The following C1QTNF1 variants were observed in gnomAD, a reference collection of about 807,000 sequenced individuals.
The protein encoded by C1QTNF1 is C1q and TNF related 1.
Under a neutral mutation model 27.8 loss-of-function variants are expected in C1QTNF1, and 22 were observed. The ratio of observed to expected loss-of-function variants is 0.79; its 90% CI spans 0.56 to 1.13. The LOEUF is 1.13. C1QTNF1 is among the 50% of genes most tolerant of loss of function. C1QTNF1 has a pLI of 0.00. For synonymous variants in C1QTNF1, 166 were observed against 154.3 expected (o/e 1.08, Z -0.56); for missense variants, 373 against 380.2 (o/e 0.98, Z 0.16).
intron 1 of C1QTNF1, among the ~76,000 whole-genome samples, chr17:79,036,971 C>T (rs1364902528): frequency 3.9e-5 from 6 of 152,156 alleles, no homozygotes; most frequent in Non-Finnish European, 7.4e-5. Flanking sequence ...TCAAAAGGCC[C>T]TGCGCTGGGT....
In C1QTNF1 at chr17:79,030,319, T is replaced by TTGTGTGTGTG. The variant is rs142110810; in HGVS notation, c.-15+5843_-15+5852dup. Reference sequence around the variant, plus strand: ...GGGTGGCCTTTGGGTCTTTGTGGTTTTGTGTGTGTGTGTGTGTGTGTGTGT... The same window carrying TTGTGTGTGTG: ...GGGTGGCCTTTGGGTCTTTGTGGTTTTGTGTGTGTGTGTGTGTGTGTGTGTGTGTGTGTGT... On this transcript the variant is annotated intron_variant, in intron 1 of 3. Coordinates refer to ENST00000579760, the MANE Select transcript of C1QTNF1 (RefSeq NM_030968.5). Among the ~76,000 whole-genome samples the TTGTGTGTGTG allele has an allele frequency of 2.8e-3, 414 of 147,918 alleles. 1 individual carries two copies. Among genetic ancestry groups the TTGTGTGTGTG allele is most frequent in the Middle Eastern group, 0.017 (5 of 288 alleles).
intron 1 of C1QTNF1, among the ~76,000 whole-genome samples, chr17:79,038,278 C>T (rs916430820): frequency 1.3e-5 from 2 of 152,244 alleles, no homozygotes; most frequent in Non-Finnish European, 2.9e-5. Context: ...GCGTGAGCCA[C>T]CGCGCCCGGC....
upstream of C1QTNF1, among the ~76,000 whole-genome samples, chr17:79,023,247 G>A (rs746375295): frequency 2.6e-5 from 4 of 151,994 alleles, no homozygotes; most frequent in Admixed American, 2.0e-4. Context: ...CAGGGCAGAG[G>A]GGGGAAAAAA....
chr17:79,030,266 C>T (rs1049029320), intron 1 of C1QTNF1, among the ~76,000 whole-genome samples: 12 of 151,860 alleles, frequency 7.9e-5, no homozygotes, highest in African/African-American at 2.4e-4. Flanking sequence ...TTTTCATCAC[C>T]GCAGATAATT....
In C1QTNF1 at chr17:79,048,286, C is replaced by A; in HGVS notation, c.*198C>A. ...GAGAGCTGACGGCAGATGAAATCACCAGGGCGGGGCACCCGCGAGAACCCT... is the reference window on the plus strand; with the variant it reads ...GAGAGCTGACGGCAGATGAAATCACAAGGGCGGGGCACCCGCGAGAACCCT... On this transcript the variant is annotated 3_prime_UTR_variant, in exon 4 of 4. Transcript: ENST00000579760. 1 of 607,038 alleles carries A rather than the reference C, an allele frequency of 1.6e-6. No homozygotes were observed. The highest frequency in any genetic ancestry group is 2.7e-6 in the Non-Finnish European group (1 of 365,574). The allele number at this position is 607,038 out of a possible 1,614,324, so 37.6% of individuals were successfully genotyped here. A position where few individuals can be genotyped will look rare whatever the true frequency, so the allele number is the denominator to read the frequency against.
At chr17:79,028,168 G>T (rs2072025080) in intron 1 of C1QTNF1, among the ~76,000 whole-genome samples, 1 of 152,202 alleles carries the variant, frequency 6.6e-6, no homozygotes, top group Admixed American at 6.5e-5. Flanking sequence ...GAGGAGAAGA[G>T]GCAGACAGGC....
intron 1 of C1QTNF1, among the ~76,000 whole-genome samples, chr17:79,039,270 G>A (rs1290755868): frequency 2.0e-5 from 3 of 152,220 alleles, no homozygotes; most frequent in Non-Finnish European, 4.4e-5. Context: ...GGCATCTGGT[G>A]GGGACAGTCC....
Position 79,046,163 on chromosome 17 carries a change from C to A in C1QTNF1, c.156-392C>A, listed in dbSNP as rs1476846097. Among the ~76,000 whole-genome samples, 2 of 152,162 alleles carry A rather than the reference C, an allele frequency of 1.3e-5. No individual in the cohort carries two copies. The highest frequency in any genetic ancestry group is 2.9e-5 in the Non-Finnish European group (2 of 68,024). ...GGGGAATCCTAAAGATCCAGTTGAA[C>A]CTTCTTATTTGCAGACGAGTCAGCT... On this transcript the variant is annotated intron_variant, in intron 2 of 3. Transcript: ENST00000579760. This position sits in a 1 kb window ranked among gnomAD's most constrained non-coding sequence, Gnocchi z 4.8.
At position 79,043,515 on chromosome 17, in the gene C1QTNF1, T is replaced by C. The variant is rs776826545; in HGVS notation, c.-14-440T>C. 3.7e-4 allele frequency: 163 copies of C among 446,058 alleles called. 2 individuals are homozygous for C. Among genetic ancestry groups the C allele is most frequent in the Middle Eastern group, 2.8e-3 (4 of 1,412 alleles). 27.6% of individuals were successfully genotyped at this position (446,058 alleles called of 1,614,324 possible). On this transcript the variant is annotated intron_variant, in intron 1 of 3. Coordinates refer to ENST00000579760, the MANE Select transcript of C1QTNF1 (RefSeq NM_030968.5). Reference sequence around the variant, plus strand: ...CATGAGTGTGCATGTGATGTGGGTATATGTATGCATGTGTGTAGGTTTCAT... The same window carrying C: ...CATGAGTGTGCATGTGATGTGGGTACATGTATGCATGTGTGTAGGTTTCAT...
At chr17:79,030,333 G>A (rs1160692455) in intron 1 of C1QTNF1, among the ~76,000 whole-genome samples, 1 of 151,850 alleles carries the variant, frequency 6.6e-6, no homozygotes, top group Non-Finnish European at 1.5e-5. Flanking sequence ...GTGTGTGTGT[G>A]TGTGTGTGTG....
At chr17:79,038,458 C>T (rs564167865) in intron 1 of C1QTNF1, among the ~76,000 whole-genome samples, 86 of 152,174 alleles carry the variant, frequency 5.7e-4, no homozygotes, top group African/African-American at 1.9e-3. Flanking sequence ...GAGGAAGGGA[C>T]GCTGAAGAGC....
At position 79,042,853 on chromosome 17, in the gene C1QTNF1, G is replaced by A. The variant is rs147124974; in HGVS notation, c.-14-1102G>A. On this transcript the variant is annotated intron_variant, in intron 1 of 3. Coordinates refer to ENST00000579760, the MANE Select transcript of C1QTNF1 (RefSeq NM_030968.5). ...CGCACATGTGAAGGTGTGTGTACATGTGAGCGCATGTGTGCATGAGTGGAT... is the reference window on the plus strand; with the variant it reads ...CGCACATGTGAAGGTGTGTGTACATATGAGCGCATGTGTGCATGAGTGGAT... Among the ~76,000 whole-genome samples, 38 of 152,364 alleles carry A rather than the reference G, an allele frequency of 2.5e-4. No individual in the cohort carries two copies. The East Asian group carries it at 6.9e-3, about 28-fold the overall frequency.
chr17:79,047,490 A>G, intron 3 of C1QTNF1, 48 bp from the exon 4 acceptor site: 2 of 1,495,128 alleles, frequency 1.3e-6, no homozygotes, highest in Non-Finnish European at 1.8e-6. Flanking sequence ...GGCTCAGGAC[A>G]CTACCGGATT....
At chr17:79,026,252 T>A (rs2071957186) in intron 1 of C1QTNF1, among the ~76,000 whole-genome samples, 1 of 151,878 alleles carries the variant, frequency 6.6e-6, no homozygotes, top group Non-Finnish European at 1.5e-5. Context: ...ACCTCCCAGG[T>A]TCAAGCGATT....
Position 79,046,443 on chromosome 17 carries a change from G to C in C1QTNF1, c.156-112G>C. On this transcript the variant is annotated intron_variant, in intron 2 of 3. Coordinates refer to ENST00000579760, the MANE Select transcript of C1QTNF1 (RefSeq NM_030968.5). This position sits in a 1 kb window ranked among gnomAD's most constrained non-coding sequence, Gnocchi z 4.8. Reference sequence around the variant, plus strand: ...TGAACACAGAGCCTTGTGGGTCCAGGTGAGAGAGTGAGAAGGCAGGTCAGG... The same window carrying C: ...TGAACACAGAGCCTTGTGGGTCCAGCTGAGAGAGTGAGAAGGCAGGTCAGG... 2 of 1,441,360 alleles carry C rather than the reference G, an allele frequency of 1.4e-6. No individual in the cohort carries two copies. The highest frequency in any genetic ancestry group is 1.9e-6 in the Non-Finnish European group (2 of 1,043,130). The allele number at this position is 1,441,360 out of a possible 1,614,324, so 89.3% of individuals were successfully genotyped here. A position where few individuals can be genotyped will look rare whatever the true frequency, so the allele number is the denominator to read the frequency against.
intron 1 of C1QTNF1, among the ~76,000 whole-genome samples, chr17:79,037,123 TTTTTTG>T (rs965786999): frequency 2.1e-4 from 32 of 151,068 alleles, no homozygotes; most frequent in Admixed American, 9.2e-4. Flanking sequence ...GCCCAGCTAT[TTTTTTG>T]TTTTTGTTTT....
At chr17:79,026,237 C>A (rs181487749) in intron 1 of C1QTNF1, among the ~76,000 whole-genome samples, 65 of 152,170 alleles carry the variant, frequency 4.3e-4, no homozygotes, top group African/African-American at 1.4e-3. Context: ...CTCACTGCAA[C>A]CTCCACCTCC....
chr17:79,048,310 C>T lies in C1QTNF1; in HGVS notation c.*222C>T. On this transcript the variant is annotated 3_prime_UTR_variant, in exon 4 of 4. Transcript: ENST00000579760. ...CCAGGGCGGGGCACCCGCGAGAACC[C>T]TCTGGGACCTTCCGCGGCCCTCTCT... The T allele has an allele frequency of 3.7e-6, 2 of 543,490 alleles. No individual in the cohort carries two copies. Among genetic ancestry groups the T allele is most frequent in the South Asian group, 3.1e-5 (1 of 31,910 alleles). The allele number at this position is 543,490 out of a possible 1,614,324, so 33.7% of individuals were successfully genotyped here.
chr17:79,047,409 G>A, intron 3 of C1QTNF1, 129 bp from the exon 4 acceptor site: 2 of 933,090 alleles, frequency 2.1e-6, no homozygotes, highest in Non-Finnish European at 3.1e-6. Context: ...GGGCAGGAGT[G>A]AAGCTTCTGC....
Sources: allele counts gnomAD v4.1 joint callset (sites outside exome capture counted in the v4.1 genomes callset), GRCh38; gene constraint gnomAD v4.1.1; non-coding constraint Gnocchi (gnomAD v3.1); transcripts MANE v1.5; gene names NCBI Gene and HGNC (gene_info 2026-07-23, HGNC 2026-07-21).